The following GCNT4 variants were observed in gnomAD, a reference collection of about 807,000 sequenced individuals.
GCNT4 encodes beta-1,3-galactosyl-O-glycosyl-glycoprotein beta-1,6-N-acetylglucosaminyltransferase 4.
Under a neutral mutation model 31.3 loss-of-function variants are expected in GCNT4, and 17 were observed. The ratio of observed to expected loss-of-function variants is 0.54; its 90% CI spans 0.37 to 0.81. The LOEUF is 0.81. GCNT4 is among the 40% of genes least tolerant of loss of function. The pLI is 0.00. For synonymous variants in GCNT4, 158 were observed against 190.6 expected (o/e 0.83, Z 1.41); for missense variants, 503 against 525.5 (o/e 0.96, Z 0.42).
chr5:75,029,939 A>G lies in GCNT4; in HGVS notation c.99T>C (p.Asn33=), dbSNP rs186186102. 1,735 of 1,614,142 alleles carry G rather than the reference A, an allele frequency of 1.1e-3. 20 individuals carry two copies. The highest frequency in any genetic ancestry group is 2.2e-4 in the Non-Finnish European group (259 of 1,180,014). Residue 33 remains asparagine (N), a synonymous_variant, in exon 4 of 4, where the codon AAT becomes AAC. Coordinates refer to ENST00000652361, the MANE Select transcript of GCNT4 (RefSeq NM_001366737.1). ...CTTTTTGCGGAAAGAGTCGTCTCAC[A>G]TTTAGAAGCTTTAACAAAGAGAGCA... is the stretch of plus-strand genomic sequence containing the variant. The part of the protein sequence containing the change: ...LWLLSLLKLL[N]VRRLFPQKDI...
the GCNT4 span, among the ~76,000 whole-genome samples, chr5:75,019,282 T>C: frequency 6.6e-6 from 1 of 152,196 alleles, no homozygotes. Context: ...GAGAGAGCCC[T>C]AACCACACAC....
intron 3 of GCNT4, among the ~76,000 whole-genome samples, chr5:75,032,922 T>TGTGTGTGTGTGA (rs1365905626): frequency 2.1e-5 from 3 of 145,804 alleles, no homozygotes; most frequent in East Asian, 2.0e-4. Flanking sequence ...TGTGTGTGTG[T>TGTGTGTGTGTGA]GATTAATTCA....
intron 3 of GCNT4, among the ~76,000 whole-genome samples, chr5:75,043,585 T>C (rs1743368599): frequency 6.6e-6 from 1 of 152,136 alleles, no homozygotes; most frequent in African/African-American, 2.4e-5. Flanking sequence ...TCCAATATGA[T>C]GGCTAGAATT....
At chr5:75,046,880 T>C (rs1428187827) in intron 3 of GCNT4, among the ~76,000 whole-genome samples, 1 of 152,224 alleles carries the variant, frequency 6.6e-6, no homozygotes, top group Non-Finnish European at 1.5e-5. Flanking sequence ...TTCGTGCCGT[T>C]TCTTAGATGC....
At chr5:75,018,741 G>T in the GCNT4 span, among the ~76,000 whole-genome samples, 2 of 152,288 alleles carry the variant, frequency 1.3e-5, no homozygotes, top group African/African-American at 4.8e-5. Context: ...CCAGAGTTGA[G>T]GTTAGTTTGC....
At chr5:75,053,621 C>G (rs561056745), upstream of GCNT4, among the ~76,000 whole-genome samples, 2 of 152,002 alleles carry the variant, frequency 1.3e-5, no homozygotes, top group Non-Finnish European at 2.9e-5. Context: ...CGCGGCGGCT[C>G]GCTCTCGCCG....
At chr5:75,051,486 CT>C (rs34550195) in intron 2 of GCNT4, among the ~76,000 whole-genome samples, 12,693 of 152,220 alleles carry the variant, frequency 0.083, 778 homozygotes, top group Admixed American at 0.16. Context: ...CTATGTGGTG[CT>C]GTGATAAGCC....
At chr5:75,023,658 G>A (rs780487849), downstream of GCNT4, among the ~76,000 whole-genome samples, 2 of 152,132 alleles carry the variant, frequency 1.3e-5, no homozygotes, top group African/African-American at 2.4e-5. Context: ...TTGGCAGTGC[G>A]GGCAAATGTC....
At chr5:75,044,669 G>A (rs1194820874) in intron 3 of GCNT4, among the ~76,000 whole-genome samples, 2 of 151,978 alleles carry the variant, frequency 1.3e-5, no homozygotes, top group South Asian at 2.1e-4. Context: ...CAGCTTCAGC[G>A]TGCTGCATGC....
At chr5:75,033,621 C>T (rs1342058870) in intron 3 of GCNT4, among the ~76,000 whole-genome samples, 2 of 151,958 alleles carry the variant, frequency 1.3e-5, no homozygotes, top group Non-Finnish European at 2.9e-5. Flanking sequence ...CAAAATAAAA[C>T]CCCTTCACCT....
In GCNT4 at chr5:75,029,419, A is replaced by C; in HGVS notation, c.619T>G (p.Leu207Val). The C allele has an allele frequency of 6.2e-7, 1 of 1,614,164 alleles. No homozygotes were observed. Among genetic ancestry groups the C allele is most frequent in the South Asian group, 1.1e-5 (1 of 91,082 alleles). ...TTCAGAAGGTCCGACAAGCAATTTA[A>C]ATCAGCCTGGAGTCTGGAAATGTGG... is the stretch of plus-strand genomic sequence containing the variant. Reference protein sequence around the residue: ...YAHISRLQADLNCLSDLLKSS... With the variant: ...YAHISRLQADVNCLSDLLKSS... Residue 207 changes from leucine to valine, a missense_variant, in exon 4 of 4, where the codon TTA becomes GTA. Coordinates refer to ENST00000652361, the MANE Select transcript of GCNT4 (RefSeq NM_001366737.1).
At chr5:75,042,700 CTTGT>C (rs1329250650) in intron 3 of GCNT4, among the ~76,000 whole-genome samples, 1 of 152,248 alleles carries the variant, frequency 6.6e-6, no homozygotes, top group East Asian at 1.9e-4. Flanking sequence ...GAAGAGCTTG[CTTGT>C]TTGTTTTCTG....
intron 2 of GCNT4, among the ~76,000 whole-genome samples, chr5:75,048,965 T>C (rs770736499): frequency 6.6e-6 from 1 of 152,204 alleles, no homozygotes; most frequent in African/African-American, 2.4e-5. Context: ...GATGCTGATG[T>C]AACTGGTCCT....
At chr5:75,043,426 C>T (rs555327300) in intron 3 of GCNT4, among the ~76,000 whole-genome samples, 50 of 152,308 alleles carry the variant, frequency 3.3e-4, no homozygotes, top group Non-Finnish European at 6.0e-4. Context: ...AAACATGTCT[C>T]TTGAAAAGAC....
intron 3 of GCNT4, among the ~76,000 whole-genome samples, chr5:75,037,470 C>T (rs145491927): frequency 6.6e-6 from 1 of 152,328 alleles, no homozygotes; most frequent in East Asian, 1.9e-4. Flanking sequence ...AGACGTATGA[C>T]TCGGTCAGAA....
downstream of GCNT4, among the ~76,000 whole-genome samples, chr5:75,022,793 G>A (rs1466903596): frequency 2.0e-5 from 3 of 152,174 alleles, no homozygotes; most frequent in African/African-American, 7.2e-5. Context: ...AGTCTTGGAT[G>A]ATTCAGATGT....
rs766081441 is a variant in GCNT4, at chr5:75,030,023, T to C, written c.15A>G (p.Lys5=). 1.9e-5 allele frequency: 31 copies of C among 1,594,222 alleles called. No homozygotes were observed. In the Admixed American group the frequency reaches 5.4e-4, roughly 28 times the overall value. Residue 5 remains lysine (K), a synonymous_variant, in exon 4 of 4, where the codon AAA becomes AAG. Coordinates refer to ENST00000652361, the MANE Select transcript of GCNT4 (RefSeq NM_001366737.1). MKIF[K]CYFKHTLQQK... ...GCTGTAGGGTATGTTTAAAATAACA[T>C]TTGAATATCTTCATTCTGTAAGAGG...
chr5:75,017,701 G>A, the GCNT4 span, among the ~76,000 whole-genome samples: 2 of 152,104 alleles, frequency 1.3e-5, no homozygotes, highest in African/African-American at 2.4e-5. Flanking sequence ...AGACCCTCCG[G>A]AGCCAGGACC....
chr5:75,051,829 C>G (rs780968659), intron 2 of GCNT4, among the ~76,000 whole-genome samples: 1 of 152,196 alleles, frequency 6.6e-6, no homozygotes, highest in South Asian at 2.1e-4. Flanking sequence ...ACCACCACCC[C>G]GCAGCAGGAA....
Sources: gnomAD v4.1 joint callset for allele counts (sites outside exome capture counted in the v4.1 genomes callset) on GRCh38, gnomAD v4.1.1 for gene constraint, MANE v1.5 for transcripts, NCBI Gene and HGNC (gene_info 2026-07-23, HGNC 2026-07-21) for gene names.